JMJD1C: variants seen among roughly 807,000 people sequenced by gnomAD.
The protein encoded by JMJD1C is jumonji domain containing 1C, also known as jumonji domain-containing protein 1C.
A neutral mutation model predicts 245.3 loss-of-function variants in JMJD1C; 31 were observed. The ratio of observed to expected loss-of-function variants is 0.13; its 90% confidence interval spans 0.09 to 0.17. The LOEUF (loss-of-function observed/expected upper bound fraction) is 0.17. Among genes scored for constraint, JMJD1C ranks in the 10% least tolerant of loss-of-function variants. JMJD1C has a pLI of 1.00. For missense variants in JMJD1C, 2,691 were observed against 3,000.2 expected (o/e 0.90, Z 2.41); for synonymous variants, 1,057 against 1,017.4 (o/e 1.04, Z -0.74).
intron 2 of JMJD1C, among the ~76,000 whole-genome samples, chr10:63,332,531 A>T (rs1404970131): frequency 1.3e-5 from 2 of 152,250 alleles, no homozygotes; most frequent in Non-Finnish European, 2.9e-5. Flanking sequence ...AAGGCAGAGA[A>T]AGAAATGAAT....
At chr10:63,187,076 C>CA (rs1263499379) in intron 18 of JMJD1C, among the ~76,000 whole-genome samples, 3 of 151,796 alleles carry the variant, frequency 2.0e-5, no homozygotes, top group African/African-American at 7.2e-5. Context: ...AAACTTGTAA[C>CA]ATAATTAAAA....
At chr10:63,288,156 A>AGACACAGAGGG (rs1858201562) in intron 2 of JMJD1C, among the ~76,000 whole-genome samples, 1 of 152,194 alleles carries the variant, frequency 6.6e-6, no homozygotes, top group Admixed American at 6.5e-5. Flanking sequence ...CAGAGGGCCA[A>AGACACAGAGGG]CTGTATGTAC....
Position 63,207,471 on chromosome 10 carries a change from T to G in JMJD1C, c.4198A>C (p.Thr1400Pro), listed in dbSNP as rs1344033680. 2.5e-6 allele frequency: 4 copies of G among 1,614,088 alleles called. No homozygotes were observed. The highest frequency in any genetic ancestry group is 1.3e-5 in the African/African-American group (1 of 74,932). ...ACACTGGTAGTATCGGCAGCAGATG[T>G]GATTACATCCGTTTTGGTATTACAC... Reference protein sequence around the residue: ...TMCNTKTDVITSAADTTSVSS... With the variant: ...TMCNTKTDVIPSAADTTSVSS... The change falls in exon 10 of 26, where the codon ACA (threonine) becomes CCA (proline). Residue 1400 changes from threonine (T) to proline (P), a missense_variant. Physicochemically the swap from Thr to Pro is conservative, Grantham distance 38. This residue lies in a region of JMJD1C where 1,562 missense variants were observed against 1,490.7 expected (regional missense o/e 1.05). Transcript: ENST00000399262.
chr10:63,393,836 AAC>A (rs1291444496), intron 1 of JMJD1C, among the ~76,000 whole-genome samples: 1 of 152,170 alleles, frequency 6.6e-6, no homozygotes, highest in Non-Finnish European at 1.5e-5. Flanking sequence ...TTTGAAAAAG[AAC>A]AAAGAGTTGC....
intron 2 of JMJD1C, among the ~76,000 whole-genome samples, chr10:63,334,613 C>T (rs1360251943): frequency 1.3e-5 from 2 of 151,992 alleles, no homozygotes; most frequent in South Asian, 2.1e-4. Context: ...CCCAGCTACT[C>T]GGGAGGCTGA....
intron 1 of JMJD1C, among the ~76,000 whole-genome samples, chr10:63,389,275 ACAGTC>A (rs1416834558): frequency 1.3e-5 from 2 of 148,878 alleles, no homozygotes; most frequent in Admixed American, 6.8e-5. Context: ...TCGTGCCAAT[ACAGTC>A]CAGCCTGGGT....
At chr10:63,323,484 T>G (rs1243386148) in intron 2 of JMJD1C, among the ~76,000 whole-genome samples, 1 of 152,022 alleles carries the variant, frequency 6.6e-6, no homozygotes, top group Non-Finnish European at 1.5e-5. Context: ...CGCGCCACTG[T>G]ACTCCACCCT....
intron 2 of JMJD1C, among the ~76,000 whole-genome samples, chr10:63,287,398 T>C (rs1341772331): frequency 6.6e-6 from 1 of 152,222 alleles, no homozygotes; most frequent in Non-Finnish European, 1.5e-5. Flanking sequence ...TACATTGATA[T>C]CATTTGAAAT....
At chr10:63,427,813 G>C (rs1950528160) in intron 1 of JMJD1C, 1 of 1,160,696 alleles carries the variant, frequency 8.6e-7, no homozygotes, top group Non-Finnish European at 1.3e-6. Flanking sequence ...GAAATGCAAG[G>C]CCCCTTCTAA....
chr10:63,214,328 C>T lies in JMJD1C; in HGVS notation c.1839G>A (p.Leu613=), dbSNP rs374932141. 14 of 1,613,866 alleles carry T rather than the reference C, an allele frequency of 8.7e-6. No individual in the cohort carries two copies. The African/African-American group carries it at 1.7e-4, about 20-fold the overall frequency. ...TCTCTGGAGGTGGACTTCGCTTATG[C>T]AGCTTATCTTCCATGACAGAAACTG... The part of the protein sequence containing the change: ...LSAVSVMEDK[L]HKRSPPPETI... The change falls in exon 8 of 26, where the codon CTG becomes CTA. Residue 613 remains leucine (L), a synonymous_variant. Transcript: ENST00000399262.
chr10:63,431,709 A>G (rs1202532518), intron 1 of JMJD1C, among the ~76,000 whole-genome samples: 1 of 152,216 alleles, frequency 6.6e-6, no homozygotes, highest in Non-Finnish European at 1.5e-5. Flanking sequence ...TGGGGTATGC[A>G]CTGTGAAAAA....
intron 2 of JMJD1C, among the ~76,000 whole-genome samples, chr10:63,311,731 A>G (rs1194472489): frequency 1.3e-5 from 2 of 152,204 alleles, no homozygotes; most frequent in African/African-American, 4.8e-5. Context: ...ATAGTATAAA[A>G]GCGCAGATGA....
chr10:63,484,460 C>A (rs779775911), intron 1 of JMJD1C, among the ~76,000 whole-genome samples: 2 of 151,962 alleles, frequency 1.3e-5, no homozygotes, highest in Non-Finnish European at 2.9e-5. Context: ...TCCCTTTTCA[C>A]GCTATTTATA....
chr10:63,398,530 T>G (rs1589669803), intron 1 of JMJD1C, among the ~76,000 whole-genome samples: 1 of 152,188 alleles, frequency 6.6e-6, no homozygotes, highest in African/African-American at 2.4e-5. Flanking sequence ...GTTGTCTGAT[T>G]ATATTTTTAT....
At chr10:63,248,132 C>T (rs1589277389) in intron 3 of JMJD1C, among the ~76,000 whole-genome samples, 1 of 151,190 alleles carries the variant, frequency 6.6e-6, no homozygotes, top group Non-Finnish European at 1.5e-5. Context: ...GACGCTGAAG[C>T]AGTATATTTT....
rs552644318 is a variant in JMJD1C, at chr10:63,401,175, G to A, written c.169-20693C>T. Among the ~76,000 whole-genome samples the A allele has an allele frequency of 1.2e-3, 178 of 152,174 alleles. No homozygotes were observed. In the South Asian group the frequency reaches 0.018, roughly 16 times the overall value. Reference sequence around the variant, plus strand: ...CACCCGGCCTCGTTTCCTCTCTTGCGGTAGAACTTCAGGTCAATTTTTTTT... The same window carrying A: ...CACCCGGCCTCGTTTCCTCTCTTGCAGTAGAACTTCAGGTCAATTTTTTTT... On this transcript the variant is annotated intron_variant, in intron 1 of 25. Transcript: ENST00000399262.
intron 2 of JMJD1C, among the ~76,000 whole-genome samples, chr10:63,321,436 G>A (rs1254432736): frequency 1.3e-5 from 2 of 152,218 alleles, no homozygotes; most frequent in Non-Finnish European, 2.9e-5. Context: ...GACGCTAGCT[G>A]TAGGTAGACA....
intron 1 of JMJD1C, among the ~76,000 whole-genome samples, chr10:63,471,751 A>G (rs1040258431): frequency 3.3e-5 from 5 of 152,194 alleles, no homozygotes; most frequent in African/African-American, 4.8e-5. Flanking sequence ...ATATTAAAAC[A>G]AATAGGTCAG....
In JMJD1C at chr10:63,201,082, G is replaced by C. The variant is rs915208844; in HGVS notation, c.5075-405C>G. 2.6e-5 allele frequency among the ~76,000 whole-genome samples: 4 copies of C among 152,146 alleles called. No homozygotes were observed. In the South Asian group the frequency reaches 6.2e-4, roughly 24 times the overall value. On this transcript the variant is annotated intron_variant, in intron 10 of 25. Coordinates refer to ENST00000399262, the MANE Select transcript of JMJD1C (RefSeq NM_032776.3). ...GGAGAAAGCTCTTTCAAGATCCACA[G>C]CAAGAACGTAAAGATTAAAGGTTTA...
Sources: allele counts gnomAD v4.1 joint callset (sites outside exome capture counted in the v4.1 genomes callset), GRCh38; gene constraint gnomAD v4.1.1; regional missense constraint gnomAD v4.1.1; transcripts MANE v1.5; gene names NCBI Gene and HGNC (gene_info 2026-07-23, HGNC 2026-07-21).